ROBO2: variants seen among roughly 807,000 people sequenced by gnomAD.
ROBO2 encodes the protein roundabout guidance receptor 2, also known as roundabout homolog 2.
In ROBO2, 53 loss-of-function variants were observed where a neutral mutation model predicts 160.8. The observed-to-expected ratio is 0.33, with a 90% CI of 0.26 to 0.41. The LOEUF (loss-of-function observed/expected upper bound fraction) is 0.41, where lower values mean the gene tolerates loss of function less well. ROBO2 is among the 10% of genes least tolerant of loss of function. The probability of loss-of-function intolerance (pLI) is 1.00; values close to 1 mark genes in which losing one functional copy is unlikely to be tolerated. For missense variants in ROBO2, 1,577 were observed against 1,722.4 expected (o/e 0.92, Z 1.49); for synonymous variants, 664 against 611.7 (o/e 1.09, Z -1.26).
chr3:76,507,665 C>T (rs2080864240), intron 2 of ROBO2, among the ~76,000 whole-genome samples: 1 of 152,028 alleles, frequency 6.6e-6, no homozygotes, highest in Non-Finnish European at 1.5e-5. Flanking sequence ...ATCCTCACAA[C>T]AACCCTACGA....
intron 2 of ROBO2, among the ~76,000 whole-genome samples, chr3:76,631,272 A>G (rs1485316321): frequency 6.6e-6 from 1 of 152,222 alleles, no homozygotes; most frequent in Non-Finnish European, 1.5e-5. Context: ...TAGTTTATGT[A>G]ACAATGCTCA....
intron 16 of ROBO2, among the ~76,000 whole-genome samples, chr3:77,587,208 G>A (rs2153682559): frequency 6.6e-6 from 1 of 152,164 alleles, no homozygotes; most frequent in Admixed American, 6.6e-5. Flanking sequence ...CAGATCCCCT[G>A]TTTCTGTCCA....
chr3:75,985,395 G>A (rs2065388038), intron 2 of ROBO2, among the ~76,000 whole-genome samples: 1 of 151,572 alleles, frequency 6.6e-6, no homozygotes, highest in African/African-American at 2.4e-5. Context: ...TGTAAAGCAT[G>A]TTACTGTACT....
intron 2 of ROBO2, among the ~76,000 whole-genome samples, chr3:76,170,525 T>C (rs75320194): frequency 0.048 from 7,265 of 152,214 alleles, 454 homozygotes; most frequent in African/African-American, 0.15. Context: ...CTACGCAAAT[T>C]AGACATCATT....
chr3:77,372,405 A>G (rs1345938305), intron 2 of ROBO2, among the ~76,000 whole-genome samples: 1 of 151,950 alleles, frequency 6.6e-6, no homozygotes, highest in Non-Finnish European at 1.5e-5. Context: ...CAAATATTAT[A>G]TTTTTCATTA....
chr3:77,387,073 T>A (rs1278992815), intron 2 of ROBO2, among the ~76,000 whole-genome samples: 1 of 151,978 alleles, frequency 6.6e-6, no homozygotes, highest in Non-Finnish European at 1.5e-5. Flanking sequence ...TAGAGTGAAA[T>A]CTTCAGCCTC....
intron 17 of ROBO2, among the ~76,000 whole-genome samples, 164 bp from the exon 19 acceptor site, chr3:77,594,977 GC>G (rs1244560572): frequency 1.3e-5 from 2 of 152,096 alleles, no homozygotes; most frequent in Non-Finnish European, 2.9e-5. Flanking sequence ...TTTGCCTTGG[GC>G]CAAACCACTG....
chr3:76,818,344 G>T (rs1229558596), intron 2 of ROBO2, among the ~76,000 whole-genome samples: 1 of 151,080 alleles, frequency 6.6e-6, no homozygotes, highest in Non-Finnish European at 1.5e-5. Context: ...GGGATTGTTT[G>T]TTTTTTTTCT....
intron 2 of ROBO2, among the ~76,000 whole-genome samples, chr3:77,449,223 G>A (rs2080879598): frequency 6.6e-6 from 1 of 152,054 alleles, no homozygotes. Context: ...TGAGCTTGAA[G>A]TTCATAGAAT....
intron 2 of ROBO2, among the ~76,000 whole-genome samples, chr3:76,000,760 T>G (rs2065864111): frequency 6.6e-6 from 1 of 152,018 alleles, no homozygotes; most frequent in Admixed American, 6.6e-5. Flanking sequence ...AAAGTTAATT[T>G]TTTTATATAT....
intron 2 of ROBO2, chr3:76,433,889 G>A (rs1188257494): frequency 1.7e-6 from 1 of 586,548 alleles, no homozygotes; most frequent in Non-Finnish European, 3.1e-6. Context: ...TTTGAAGTTT[G>A]CAAGCTGTTT....
intron 2 of ROBO2, among the ~76,000 whole-genome samples, chr3:76,070,194 C>T (rs746446988): frequency 2.0e-5 from 3 of 152,172 alleles, no homozygotes; most frequent in East Asian, 1.9e-4. Context: ...AAACTCTGAC[C>T]GCTGGTGAGC....
intron 2 of ROBO2, among the ~76,000 whole-genome samples, chr3:76,855,748 G>A (rs537647356): frequency 6.6e-6 from 1 of 152,214 alleles, no homozygotes; most frequent in African/African-American, 2.4e-5. Flanking sequence ...AATAAGAAAT[G>A]CTTTGTTTCT....
At chr3:76,584,466 T>C (rs1054706075) in intron 2 of ROBO2, among the ~76,000 whole-genome samples, 2 of 152,126 alleles carry the variant, frequency 1.3e-5, no homozygotes, top group Non-Finnish European at 2.9e-5. Context: ...GTATGATTAG[T>C]GTCCTTATAT....
intron 2 of ROBO2, among the ~76,000 whole-genome samples, chr3:77,242,182 T>C (rs1191708545): frequency 6.6e-6 from 1 of 152,154 alleles, no homozygotes; most frequent in East Asian, 1.9e-4. Context: ...TTGGATACAT[T>C]TATATTTGTG....
chr3:76,423,545 A>G (rs1274198290), intron 2 of ROBO2, among the ~76,000 whole-genome samples: 1 of 152,206 alleles, frequency 6.6e-6, no homozygotes, highest in African/African-American at 2.4e-5. Context: ...AACCTGATGT[A>G]ACCCATCAGG....
chr3:76,889,860 A>G (rs2074203197), intron 2 of ROBO2, among the ~76,000 whole-genome samples: 2 of 152,118 alleles, frequency 1.3e-5, no homozygotes, highest in Admixed American at 6.6e-5. Context: ...TCTCTAGAAA[A>G]AGGTGGCATT....
intron 2 of ROBO2, among the ~76,000 whole-genome samples, chr3:77,442,306 C>T (rs57729555): frequency 0.065 from 9,775 of 150,696 alleles, 545 homozygotes; most frequent in African/African-American, 0.15. Context: ...AGCGAGACTC[C>T]GGCTCAAAAA....
intron 2 of ROBO2, among the ~76,000 whole-genome samples, chr3:76,626,774 G>T (rs2089670235): frequency 6.6e-6 from 1 of 151,826 alleles, no homozygotes; most frequent in Non-Finnish European, 1.5e-5. Context: ...CTCACTGCAA[G>T]TTCCGCCTCC....
Sources: allele counts gnomAD v4.1 joint callset (sites outside exome capture counted in the v4.1 genomes callset), GRCh38; gene constraint gnomAD v4.1.1; transcripts MANE v1.5; gene names NCBI Gene and HGNC (gene_info 2026-07-23, HGNC 2026-07-21).